The following PDGFRL variants were observed in gnomAD, a reference collection of about 807,000 sequenced individuals.
The protein encoded by PDGFRL is platelet derived growth factor receptor like.
Under a neutral mutation model 37.2 loss-of-function variants are expected in PDGFRL, and 46 were observed. That is an observed-to-expected ratio of 1.24 (90% CI 0.98 to 1.58). The LOEUF is 1.58. Ranked by LOEUF, PDGFRL falls within the 40% of genes most tolerant of loss-of-function variation. The pLI is 0.00. For missense variants in PDGFRL, 692 were observed against 467.6 expected, an observed-to-expected ratio of 1.48 and a Z score of -4.43; for synonymous variants, 251 against 184.3, an observed-to-expected ratio of 1.36 and a Z score of -2.93.
chr8:17,619,607 A>C (rs182422000), intron 2 of PDGFRL, among the ~76,000 whole-genome samples: 7 of 152,302 alleles, frequency 4.6e-5, no homozygotes, highest in African/African-American at 1.7e-4. Flanking sequence ...TCCTAAAAGA[A>C]AGTTTTTGGT....
At chr8:17,582,798 A>G (rs1036484745) in intron 1 of PDGFRL, among the ~76,000 whole-genome samples, 3 of 152,122 alleles carry the variant, frequency 2.0e-5, no homozygotes, top group Non-Finnish European at 4.4e-5. Context: ...AGAAAATAAG[A>G]GAAAGGCCTT....
chr8:17,623,873 CA>C (rs67846013), intron 3 of PDGFRL, among the ~76,000 whole-genome samples: 1 of 141,984 alleles, frequency 7.0e-6, no homozygotes. Flanking sequence ...GACTTTACCT[CA>C]AAAAAAAAAA....
intron 2 of PDGFRL, among the ~76,000 whole-genome samples, chr8:17,610,564 C>T (rs184244631): frequency 6.6e-6 from 1 of 152,142 alleles, no homozygotes; most frequent in Non-Finnish European, 1.5e-5. Context: ...GTGAGTAACC[C>T]ATATACATCT....
At chr8:17,606,694 T>G (rs1207678457) in intron 2 of PDGFRL, among the ~76,000 whole-genome samples, 1 of 39,148 alleles carries the variant, frequency 2.6e-5, no homozygotes, top group African/African-American at 5.1e-5. Flanking sequence ...CTATGTTCCG[T>G]TCAGGACAAG....
chr8:17,579,426 T>C (rs1207228098), intron 1 of PDGFRL, among the ~76,000 whole-genome samples: 1 of 152,040 alleles, frequency 6.6e-6, no homozygotes, highest in African/African-American at 2.4e-5. Context: ...AGGTTGGGAA[T>C]ATCCTGCCTT....
intron 4 of PDGFRL, among the ~76,000 whole-genome samples, chr8:17,630,398 T>C (rs1394918421): frequency 6.6e-6 from 1 of 152,240 alleles, no homozygotes; most frequent in Non-Finnish European, 1.5e-5. Context: ...TTCCATTGTG[T>C]TGAATCCCCC....
At chr8:17,634,703 C>T (rs756501462) in intron 5 of PDGFRL, among the ~76,000 whole-genome samples, 4 of 152,078 alleles carry the variant, frequency 2.6e-5, no homozygotes, top group Non-Finnish European at 5.9e-5. Flanking sequence ...TTATCCTTAG[C>T]AAACTAACAC....
Position 17,608,997 on chromosome 8 carries a change from T to G in PDGFRL, c.354-12054T>G, listed in dbSNP as rs145956129. ...ACTTTGGCAGACTGAGGCAGGAGGA[T>G]CACTTGAGCCCGGGAGTTTGAGACC... On this transcript the variant is annotated intron_variant, in intron 2 of 5. Transcript: ENST00000251630. Among the ~76,000 whole-genome samples the G allele has an allele frequency of 7.2e-3, 1,091 of 152,190 alleles. 14 individuals carry two copies. The highest frequency in any genetic ancestry group is 0.025 in the African/African-American group (1,046 of 41,506).
intron 2 of PDGFRL, among the ~76,000 whole-genome samples, chr8:17,604,786 T>G (rs974301447): frequency 1.3e-5 from 2 of 151,688 alleles, no homozygotes; most frequent in Non-Finnish European, 2.9e-5. Context: ...CAATTATGAG[T>G]CGAGGATTTA....
intron 1 of PDGFRL, among the ~76,000 whole-genome samples, chr8:17,588,595 C>G (rs899384919): frequency 6.6e-6 from 1 of 152,082 alleles, no homozygotes; most frequent in Non-Finnish European, 1.5e-5. Flanking sequence ...ATCACTTGAG[C>G]CCAGGAGTTC....
chr8:17,590,917 C>T (rs1033892692), intron 2 of PDGFRL, among the ~76,000 whole-genome samples: 2 of 139,502 alleles, frequency 1.4e-5, no homozygotes, highest in African/African-American at 5.2e-5. Context: ...GAGTCTCGCT[C>T]TGTCCCACAG....
rs114630557 is a variant in PDGFRL at position 17,590,385 on chromosome 8, A to G, written c.353+620A>G. ...TTATGGGAAACCAAAATGTTATAGA[A>G]AACTATTATGCATAGAGATGGATGT... On this transcript the variant is annotated intron_variant, in intron 2 of 5. Coordinates refer to ENST00000251630, the MANE Select transcript of PDGFRL (RefSeq NM_001372073.1). Among the ~76,000 whole-genome samples the G allele has an allele frequency of 6.3e-3, 961 of 151,990 alleles. 8 individuals carry two copies. Among genetic ancestry groups the G allele is most frequent in the African/African-American group, 0.022 (929 of 41,464 alleles).
chr8:17,628,430 G>A (rs1649494104), intron 3 of PDGFRL, 57 bp from the exon 4 acceptor site: 7 of 1,390,152 alleles, frequency 5.0e-6, no homozygotes, highest in African/African-American at 2.8e-5. Flanking sequence ...ATCCTTAAGG[G>A]TGCTTTTACT....
chr8:17,592,958 A>C (rs1803974732), intron 2 of PDGFRL, among the ~76,000 whole-genome samples: 1 of 149,976 alleles, frequency 6.7e-6, no homozygotes, highest in South Asian at 2.1e-4. Context: ...ACACTACTCT[A>C]CACACACACC....
chr8:17,610,788 A>G (rs2517205), intron 2 of PDGFRL, among the ~76,000 whole-genome samples: 150,809 of 152,218 alleles, frequency 0.99, 74,720 homozygotes, highest in Middle Eastern at 1. Flanking sequence ...GCGCATGCCT[A>G]TAGTCTCAGG....
At chr8:17,605,789 C>T (rs915526838) in intron 2 of PDGFRL, among the ~76,000 whole-genome samples, 1 of 152,122 alleles carries the variant, frequency 6.6e-6, no homozygotes, top group Non-Finnish European at 1.5e-5. Flanking sequence ...GGTATCTGGT[C>T]GGATGTTAGC....
Position 17,628,777 on chromosome 8 carries a change from G to T in PDGFRL, c.796G>T (p.Ala266Ser). Residue 266 changes from alanine to serine, a missense_variant, in exon 4 of 6, where the codon GCG (alanine) becomes TCG (serine). Coordinates refer to ENST00000251630, the MANE Select transcript of PDGFRL (RefSeq NM_001372073.1). Reference sequence around the variant, plus strand: ...CGTCAAGTACCAGCTGCTCTATGTGGCGGGTAAGCCTGGCCACCCCTGCCT... The same window carrying T: ...CGTCAAGTACCAGCTGCTCTATGTGTCGGGTAAGCCTGGCCACCCCTGCCT... ...ISVKYQLLYV[A>S]VPSGPPSTTI... 6.2e-7 allele frequency: 1 copy of T among 1,612,516 alleles called. No individual in the cohort carries two copies. Among genetic ancestry groups the T allele is most frequent in the South Asian group, 1.1e-5 (1 of 90,996 alleles).
rs1162467924 is a variant in PDGFRL at position 17,589,572 on chromosome 8, G to T, written c.160G>T (p.Asp54Tyr). 6.2e-7 allele frequency: 1 copy of T among 1,613,726 alleles called. No homozygotes were observed. Among genetic ancestry groups the T allele is most frequent in the East Asian group, 2.2e-5 (1 of 44,866 alleles). ...GAAGCCCAAAATTCCTAAAATGAAG[G>T]ACAGGGACTCAGCCAATTCAGCACC... is the stretch of plus-strand genomic sequence containing the variant. ...KVKPKIPKMKDRDSANSAPKT... is the reference protein window; with the variant it reads ...KVKPKIPKMKYRDSANSAPKT... Residue 54 changes from aspartate to tyrosine, a missense_variant, in exon 2 of 6, where the codon GAC becomes TAC. Coordinates refer to ENST00000251630, the MANE Select transcript of PDGFRL (RefSeq NM_001372073.1).
chr8:17,594,453 C>T (rs534528626), intron 2 of PDGFRL, among the ~76,000 whole-genome samples: 39 of 152,168 alleles, frequency 2.6e-4, no homozygotes, highest in Middle Eastern at 3.4e-3. Flanking sequence ...GATGGCCAGG[C>T]TGGTCTTGAA....
Sources: allele counts gnomAD v4.1 joint callset (sites outside exome capture counted in the v4.1 genomes callset), GRCh38; gene constraint gnomAD v4.1.1; transcripts MANE v1.5; gene names NCBI Gene and HGNC (gene_info 2026-07-23, HGNC 2026-07-21).